The following AAK1 variants were observed in gnomAD, a reference collection of about 807,000 sequenced individuals.
The protein encoded by AAK1 is AP2 associated kinase 1.
A neutral mutation model predicts 116.0 loss-of-function variants in AAK1; 37 were observed. The ratio of observed to expected loss-of-function variants is 0.32; its 90% confidence interval spans 0.25 to 0.42. The LOEUF is 0.42. AAK1 is among the 10% of genes least tolerant of loss of function. The probability of loss-of-function intolerance (pLI) is 1.00; values close to 1 mark genes in which losing one functional copy is unlikely to be tolerated. For synonymous variants in AAK1, 458 were observed against 439.9 expected (o/e 1.04, Z -0.51); for missense variants, 919 against 1,170.6 (o/e 0.79, Z 3.14).
chr2:69,495,621 G>C (rs1675707647), intron 17 of AAK1, among the ~76,000 whole-genome samples: 1 of 152,102 alleles, frequency 6.6e-6, no homozygotes, highest in South Asian at 2.1e-4. Context: ...TTCATATTTT[G>C]ATCACTTTAT....
At chr2:69,636,143 A>G (rs1265397998) in intron 2 of AAK1, among the ~76,000 whole-genome samples, 1 of 152,202 alleles carries the variant, frequency 6.6e-6, no homozygotes, top group Admixed American at 6.6e-5. Context: ...CACTGATTAC[A>G]TTATTTTAAA....
At position 69,472,931 on chromosome 2, in the gene AAK1, GC is replaced by G; in HGVS notation, c.*2937del. ...ATCAAGAAAGAGCAAGTTAGTAAAA[GC>G]CCATTATAATTCTTTAAAATGTAAA... On this transcript the variant is annotated 3_prime_UTR_variant, in exon 22 of 22. Coordinates refer to ENST00000409085, the MANE Select transcript of AAK1 (RefSeq NM_014911.5). 1 of 985,614 alleles carries G rather than the reference GC, an allele frequency of 1.0e-6. No individual in the cohort carries two copies. The highest frequency in any genetic ancestry group is 1.2e-6 in the Non-Finnish European group (1 of 829,732). 61.1% of individuals were successfully genotyped at this position (985,614 alleles called of 1,614,324 possible).
intron 5 of AAK1, among the ~76,000 whole-genome samples, chr2:69,536,125 G>A (rs1343203009): frequency 2.0e-5 from 3 of 152,184 alleles, no homozygotes; most frequent in Non-Finnish European, 4.4e-5. Context: ...TCAGGCCACC[G>A]GACTGCCAGG....
intron 2 of AAK1, among the ~76,000 whole-genome samples, chr2:69,621,417 T>C (rs1333273387): frequency 1.3e-5 from 2 of 151,388 alleles, no homozygotes; most frequent in Non-Finnish European, 2.9e-5. Context: ...CGACAGAGGT[T>C]GCAGTGAGCT....
At chr2:69,500,664 A>AATATATATATATATATATATAT (rs34635707) in intron 16 of AAK1, among the ~76,000 whole-genome samples, 19 of 60,824 alleles carry the variant, frequency 3.1e-4, no homozygotes, top group East Asian at 1.7e-3. Flanking sequence ...AGTCCCTTAA[A>AATATATATATATATATATATAT]ATATATATAT....
intron 3 of AAK1, 149 bp downstream of exon 3, chr2:69,556,711 T>C (rs2105084755): frequency 1.7e-6 from 1 of 603,160 alleles, no homozygotes; most frequent in East Asian, 2.9e-5. Context: ...AAGGGCGGTG[T>C]CCTATATCCC....
chr2:69,624,684 T>C (rs1248839469), intron 2 of AAK1, among the ~76,000 whole-genome samples: 1 of 152,208 alleles, frequency 6.6e-6, no homozygotes, highest in Non-Finnish European at 1.5e-5. Context: ...GGAACCAGTA[T>C]TCATTTCATT....
rs1309854401 is a variant in AAK1 at position 69,462,104 on chromosome 2, T to C, written c.*13765A>G. ...TTTGGAAAGGGGAATTAGAATGATC[T>C]CTTACTTTAAGAATTTCTGAACCAA... is the stretch of plus-strand genomic sequence containing the variant. On this transcript the variant is annotated 3_prime_UTR_variant, in exon 22 of 22. Transcript: ENST00000409085. The C allele has an allele frequency of 6.6e-6, 1 of 151,556 alleles. No individual in the cohort carries two copies. Among genetic ancestry groups the C allele is most frequent in the Non-Finnish European group, 1.5e-5 (1 of 68,060 alleles). The allele number at this position is 151,556 out of a possible 1,614,324, so 9.4% of individuals were successfully genotyped here.
At chr2:69,600,552 A>G (rs1199890170) in intron 2 of AAK1, among the ~76,000 whole-genome samples, 1 of 152,216 alleles carries the variant, frequency 6.6e-6, no homozygotes. Context: ...AATTGTCGCA[A>G]TCTCATGATC....
At chr2:69,535,070 A>G (rs10181308) in intron 5 of AAK1, among the ~76,000 whole-genome samples, 7 of 152,350 alleles carry the variant, frequency 4.6e-5, no homozygotes, top group East Asian at 1.9e-4. Context: ...TTCAGCAACA[A>G]TCTTCCTCCT....
At chr2:69,584,494 G>A (rs1321058481) in intron 2 of AAK1, among the ~76,000 whole-genome samples, 1 of 152,208 alleles carries the variant, frequency 6.6e-6, no homozygotes, top group Non-Finnish European at 1.5e-5. Flanking sequence ...GTCCAGACTT[G>A]TAGGGGTAAC....
chr2:69,535,716 G>C (rs1038316797), intron 5 of AAK1, among the ~76,000 whole-genome samples: 3 of 152,062 alleles, frequency 2.0e-5, no homozygotes, highest in East Asian at 3.9e-4. Context: ...ATGGGAGTGT[G>C]CCTGAAGGGT....
intron 2 of AAK1, among the ~76,000 whole-genome samples, chr2:69,623,567 A>G (rs1191121733): frequency 6.6e-6 from 1 of 152,158 alleles, no homozygotes; most frequent in Non-Finnish European, 1.5e-5. Flanking sequence ...GACTGTAAGC[A>G]CTTTGGGAGG....
rs1674726120 is a variant in AAK1, at chr2:69,472,857, C to T, written c.*3012G>A. On this transcript the variant is annotated 3_prime_UTR_variant, in exon 22 of 22. Transcript: ENST00000409085. ...TGTCCACGCATGTGTTTCTGTAATACTTAAAAAGGAAAATCTCTAAGATTA... is the reference window on the plus strand; with the variant it reads ...TGTCCACGCATGTGTTTCTGTAATATTTAAAAAGGAAAATCTCTAAGATTA... The T allele has an allele frequency of 9.1e-6, 9 of 985,742 alleles. No individual in the cohort carries two copies. Among genetic ancestry groups the T allele is most frequent in the Non-Finnish European group, 1.1e-5 (9 of 829,878 alleles). 61.1% of individuals were successfully genotyped at this position (985,742 alleles called of 1,614,324 possible). A position where few individuals can be genotyped will look rare whatever the true frequency, so the allele number is the denominator to read the frequency against.
At chr2:69,562,398 T>C (rs1181313617) in intron 2 of AAK1, among the ~76,000 whole-genome samples, 1 of 152,188 alleles carries the variant, frequency 6.6e-6, no homozygotes, top group African/African-American at 2.4e-5. Flanking sequence ...AAGCATAGGA[T>C]CATGGAGTCA....
rs891292330 is a variant in AAK1, at chr2:69,465,575, A to C, written c.*10294T>G. On this transcript the variant is annotated 3_prime_UTR_variant, in exon 22 of 22. Transcript: ENST00000409085. ...TTTGTGAAACAATTTTGTAGGCAGC[A>C]ATGGGCTGGGCTTCTGGACTTGGCT... is the stretch of plus-strand genomic sequence containing the variant. 2 of 1,290,982 alleles carry C rather than the reference A, an allele frequency of 1.5e-6. No homozygotes were observed. The highest frequency in any genetic ancestry group is 2.0e-6 in the Non-Finnish European group (2 of 988,884). The allele number at this position is 1,290,982 out of a possible 1,614,324, so 80.0% of individuals were successfully genotyped here. A position where few individuals can be genotyped will look rare whatever the true frequency, so the allele number is the denominator to read the frequency against.
intron 2 of AAK1, among the ~76,000 whole-genome samples, chr2:69,624,974 T>G (rs1014925943): frequency 1.1e-4 from 16 of 152,234 alleles, no homozygotes; most frequent in African/African-American, 3.9e-4. Context: ...GTTAAGTCCC[T>G]GAGCATTGCT....
Position 69,468,988 on chromosome 2 carries a change from A to G in AAK1, c.*6881T>C. ...GAATAATTTACAAAAACAGTCACAAAAACACCAGAATATCAAGTTTGAAGG... is the reference window on the plus strand; with the variant it reads ...GAATAATTTACAAAAACAGTCACAAGAACACCAGAATATCAAGTTTGAAGG... On this transcript the variant is annotated 3_prime_UTR_variant, in exon 22 of 22. Coordinates refer to ENST00000409085, the MANE Select transcript of AAK1 (RefSeq NM_014911.5). The G allele has an allele frequency of 4.1e-6, 4 of 985,466 alleles. No individual in the cohort carries two copies. Among genetic ancestry groups the G allele is most frequent in the Non-Finnish European group, 4.8e-6 (4 of 829,934 alleles). 61.0% of individuals were successfully genotyped at this position (985,466 alleles called of 1,614,324 possible).
intron 2 of AAK1, among the ~76,000 whole-genome samples, chr2:69,607,187 CAAG>C (rs560249637): frequency 4.0e-5 from 6 of 151,846 alleles, no homozygotes; most frequent in Non-Finnish European, 8.8e-5. Context: ...AAGGGTTCCC[CAAG>C]AAGGTGACAT....
Sources: allele counts gnomAD v4.1 joint callset (sites outside exome capture counted in the v4.1 genomes callset), GRCh38; gene constraint gnomAD v4.1.1; transcripts MANE v1.5; gene names NCBI Gene and HGNC (gene_info 2026-07-23, HGNC 2026-07-21).